The following TC2N variants were observed in gnomAD, a reference collection of about 807,000 sequenced individuals.
TC2N encodes the protein tandem C2 domains nuclear protein.
A neutral mutation model predicts 61.9 loss-of-function variants in TC2N; 51 were observed. The ratio of observed to expected loss-of-function variants is 0.82; its 90% CI spans 0.66 to 1.04. The LOEUF is 1.04. TC2N is among the 50% of genes least tolerant of loss of function. The pLI is 0.00. For synonymous variants in TC2N, 204 were observed against 192.6 expected (o/e 1.06, Z -0.49); for missense variants, 556 against 566.7 (o/e 0.98, Z 0.19).
chr14:91,821,624 C>A (rs1887258805), intron 1 of TC2N, among the ~76,000 whole-genome samples: 1 of 152,060 alleles, frequency 6.6e-6, no homozygotes, highest in Non-Finnish European at 1.5e-5. Flanking sequence ...CAAAAGCACA[C>A]ATGATCAAAG....
At chr14:91,836,345 G>C (rs571726371) in intron 1 of TC2N, 67 of 151,932 alleles carry the variant, frequency 4.4e-4, no homozygotes, top group African/African-American at 1.6e-3. Context: ...GCGCTGGGCC[G>C]GCGCCGCGCG....
At position 91,797,908 on chromosome 14, in the gene TC2N, A is replaced by T. The variant is rs759072891; in HGVS notation, c.739-7T>A. On this transcript the variant is annotated splice_polypyrimidine_tract_variant and splice_region_variant and intron_variant, in intron 7 of 11. Transcript: ENST00000435962. Reference sequence around the variant, plus strand: ...GCCAACTTAAATCTCTGCACTAAAAAAATTAAAAATACAGTTTGAATTTTA... The same window carrying T: ...GCCAACTTAAATCTCTGCACTAAAATAATTAAAAATACAGTTTGAATTTTA... The T allele has an allele frequency of 6.7e-7, 1 of 1,487,482 alleles. No individual in the cohort carries two copies. 92.1% of individuals were successfully genotyped at this position (1,487,482 alleles called of 1,614,324 possible).
chr14:91,800,343 C>G lies in TC2N; in HGVS notation c.499G>C (p.Gly167Arg). The change falls in exon 5 of 12, where the codon GGT becomes CGT. Residue 167 changes from glycine to arginine, a missense_variant. By Grantham distance (125) the Gly-to-Arg change is moderately radical (BLOSUM62 -2). Transcript: ENST00000435962. Reference protein sequence around the residue: ...VCDLRTNKLPGSPGLSKSMFD... With the variant: ...VCDLRTNKLPRSPGLSKSMFD... ...ATAGATTTGCTTAGCCCAGGGGAAC[C>G]GGGAAGTTTGTTCGTCCTTAAATCA... 1 of 1,602,352 alleles carries G rather than the reference C, an allele frequency of 6.2e-7. No individual in the cohort carries two copies. The highest frequency in any genetic ancestry group is 8.5e-7 in the Non-Finnish European group (1 of 1,173,668).
rs1885084905 is a variant in TC2N, at chr14:91,780,918, ATC to A, written c.*2180_*2181del. ...GTAAACACTAATTAAAACATTTAGGATCTTAGTTGTATCAATACTTCTGTACC... is the reference window on the plus strand; with the variant it reads ...GTAAACACTAATTAAAACATTTAGGATTAGTTGTATCAATACTTCTGTACC... On this transcript the variant is annotated 3_prime_UTR_variant, in exon 12 of 12. Transcript: ENST00000435962. The A allele has an allele frequency of 6.7e-6, 1 of 148,186 alleles. No individual in the cohort carries two copies. Among genetic ancestry groups the A allele is most frequent in the South Asian group, 2.1e-4 (1 of 4,830 alleles). 9.2% of individuals were successfully genotyped at this position (148,186 alleles called of 1,614,324 possible).
intron 1 of TC2N, among the ~76,000 whole-genome samples, chr14:91,840,568 C>A (rs1230159191): frequency 6.6e-6 from 1 of 152,212 alleles, no homozygotes; most frequent in Non-Finnish European, 1.5e-5. Context: ...TCTTTATCTG[C>A]ACTTCTCTGT....
chr14:91,814,664 A>G (rs1886933404), intron 1 of TC2N, among the ~76,000 whole-genome samples: 1 of 151,690 alleles, frequency 6.6e-6, no homozygotes, highest in Non-Finnish European at 1.5e-5. Flanking sequence ...GAAACTGAAA[A>G]AAGGAGGAAA....
At chr14:91,824,071 T>C (rs543820338) in intron 1 of TC2N, among the ~76,000 whole-genome samples, 3 of 152,342 alleles carry the variant, frequency 2.0e-5, no homozygotes, top group East Asian at 1.9e-4. Flanking sequence ...ATCTGATTCA[T>C]GCTAGGCACT....
In TC2N at chr14:91,856,327, A is replaced by G. The variant is rs548981342; in HGVS notation, c.-57+10935T>C. On this transcript the variant is annotated intron_variant, in intron 1 of 11. Transcript: ENST00000435962. Reference sequence around the variant, plus strand: ...AACATGGTGAAACCCTGTCTTTACTAAAAAATACAGAAAGGGCATGGTGGT... The same window carrying G: ...AACATGGTGAAACCCTGTCTTTACTGAAAAATACAGAAAGGGCATGGTGGT... Among the ~76,000 whole-genome samples the G allele has an allele frequency of 2.6e-5, 4 of 152,156 alleles. No individual in the cohort carries two copies. The East Asian group carries it at 5.8e-4, about 22-fold the overall frequency.
chr14:91,820,364 G>A (rs1887188410), intron 1 of TC2N, among the ~76,000 whole-genome samples: 1 of 151,600 alleles, frequency 6.6e-6, no homozygotes, highest in Non-Finnish European at 1.5e-5. Context: ...ACAGAATAAA[G>A]GACAAAAACT....
At chr14:91,814,713 A>G (rs1363328349) in intron 1 of TC2N, among the ~76,000 whole-genome samples, 1 of 151,676 alleles carries the variant, frequency 6.6e-6, no homozygotes, top group East Asian at 1.9e-4. Context: ...AGAGAAGCAG[A>G]GTGAATTTAG....
intron 4 of TC2N, among the ~76,000 whole-genome samples, chr14:91,801,785 T>C (rs894225791): frequency 2.0e-5 from 3 of 152,362 alleles, no homozygotes; most frequent in African/African-American, 4.8e-5. Flanking sequence ...TCTTTTGTTA[T>C]ATGTATTTAT....
chr14:91,837,014 T>C lies in TC2N; in HGVS notation c.-56-23189A>G, dbSNP rs935116350. ...CCTGCTCTCTGCTTTTGTTGCTATC[T>C]GCTACTGCCTTGCCATCAATGGGTG... On this transcript the variant is annotated intron_variant, in intron 1 of 11. Coordinates refer to ENST00000435962, the MANE Select transcript of TC2N (RefSeq NM_001128596.3). This position sits in a 1 kb window ranked among gnomAD's most constrained non-coding sequence, Gnocchi z 4.2. 3.3e-5 allele frequency among the ~76,000 whole-genome samples: 5 copies of C among 152,230 alleles called. No individual in the cohort carries two copies. Among genetic ancestry groups the C allele is most frequent in the African/African-American group, 1.2e-4 (5 of 41,470 alleles).
chr14:91,852,908 A>T (rs185144645), intron 1 of TC2N, among the ~76,000 whole-genome samples: 1 of 152,176 alleles, frequency 6.6e-6, no homozygotes, highest in East Asian at 1.9e-4. Context: ...CGTCTCTACT[A>T]AAAATACAAA....
At chr14:91,783,400 C>T (rs1251956932) in intron 11 of TC2N, among the ~76,000 whole-genome samples, 190 bp from the exon 12 acceptor site, 1 of 151,920 alleles carries the variant, frequency 6.6e-6, no homozygotes, top group Non-Finnish European at 1.5e-5. Flanking sequence ...AACATTTAAC[C>T]TGCTTAGTCA....
At chr14:91,830,946 A>G (rs1887741528) in intron 1 of TC2N, among the ~76,000 whole-genome samples, 1 of 152,166 alleles carries the variant, frequency 6.6e-6, no homozygotes, top group African/African-American at 2.4e-5. Context: ...TGGTCCCAGA[A>G]TTAGCCTCTT....
intron 1 of TC2N, among the ~76,000 whole-genome samples, chr14:91,841,853 C>T (rs1319533096): frequency 6.6e-6 from 1 of 152,136 alleles, no homozygotes; most frequent in Non-Finnish European, 1.5e-5. Context: ...GAGATTAGTC[C>T]CATTATCAGT....
chr14:91,784,881 C>G (rs966480565), intron 11 of TC2N, among the ~76,000 whole-genome samples: 4 of 152,034 alleles, frequency 2.6e-5, no homozygotes, highest in African/African-American at 9.7e-5. Flanking sequence ...CCACAAGGAA[C>G]AAGTCAGTAG....
chr14:91,858,157 T>C (rs1198969093), intron 1 of TC2N, among the ~76,000 whole-genome samples: 2 of 148,200 alleles, frequency 1.3e-5, no homozygotes, highest in African/African-American at 2.5e-5. Flanking sequence ...TTCTTCTTTT[T>C]TTTTTTTTTT....
At chr14:91,860,891 C>G (rs10137168) in intron 1 of TC2N, among the ~76,000 whole-genome samples, 27,953 of 152,112 alleles carry the variant, frequency 0.18, 2,668 homozygotes, top group African/African-American at 0.23. Context: ...GTGAAGAGGG[C>G]TGGACTACAT....
Sources: allele counts gnomAD v4.1 joint callset (sites outside exome capture counted in the v4.1 genomes callset), GRCh38; gene constraint gnomAD v4.1.1; non-coding constraint Gnocchi (gnomAD v3.1); transcripts MANE v1.5; gene names NCBI Gene and HGNC (gene_info 2026-07-23, HGNC 2026-07-21).